CDH13: variants seen among roughly 807,000 people sequenced by gnomAD.
CDH13 encodes cadherin-13.
A neutral mutation model predicts 63.8 loss-of-function variants in CDH13; 24 were observed. The observed-to-expected ratio is 0.38, with a 90% CI of 0.27 to 0.53. The LOEUF is 0.53. CDH13 is among the 20% of genes least tolerant of loss of function. The pLI, the probability that CDH13 is intolerant of heterozygous loss-of-function variation, is 0.85. For synonymous variants in CDH13, 503 were observed against 355.3 expected (o/e 1.42, Z -4.67); for missense variants, 1,049 against 903.1 (o/e 1.16, Z -2.07).
At chr16:83,677,622 T>C (rs573453229) in intron 9 of CDH13, among the ~76,000 whole-genome samples, 8 of 152,184 alleles carry the variant, frequency 5.3e-5, no homozygotes, top group Non-Finnish European at 1.0e-4. Flanking sequence ...TGAAGGGACA[T>C]AGAGACCCTT....
At chr16:83,324,662 G>T (rs1250212927) in intron 5 of CDH13, among the ~76,000 whole-genome samples, 1 of 152,140 alleles carries the variant, frequency 6.6e-6, no homozygotes, top group African/African-American at 2.4e-5. Context: ...TGGACAGTTG[G>T]GTTGTTTCTA....
At chr16:82,972,483 C>T (rs1169978564) in intron 2 of CDH13, among the ~76,000 whole-genome samples, 2 of 152,170 alleles carry the variant, frequency 1.3e-5, no homozygotes, top group Non-Finnish European at 2.9e-5. Context: ...GCTGAGTCTC[C>T]AGAGCAAGTT....
At chr16:83,366,336 T>C (rs1238703380) in intron 6 of CDH13, among the ~76,000 whole-genome samples, 1 of 152,220 alleles carries the variant, frequency 6.6e-6, no homozygotes, top group African/African-American at 2.4e-5. Context: ...CTCCCAGAAT[T>C]ATGAATACTT....
chr16:83,084,232 G>T (rs1420879017), intron 3 of CDH13, among the ~76,000 whole-genome samples: 1 of 152,252 alleles, frequency 6.6e-6, no homozygotes, highest in African/African-American at 2.4e-5. Context: ...AGGAAAAAGT[G>T]TGTGACTGTG....
chr16:83,624,123 C>T (rs1213887227), intron 8 of CDH13, among the ~76,000 whole-genome samples: 1 of 152,134 alleles, frequency 6.6e-6, no homozygotes, highest in Non-Finnish European at 1.5e-5. Context: ...TCAGCTCTGC[C>T]TGTCTCTCTA....
intron 5 of CDH13, among the ~76,000 whole-genome samples, chr16:83,293,788 C>G (rs2089520640): frequency 6.6e-6 from 1 of 152,180 alleles, no homozygotes; most frequent in Non-Finnish European, 1.5e-5. Context: ...GTCATCTTAA[C>G]AAAGTGTTTC....
At chr16:82,977,230 TG>T (rs1274943036) in intron 2 of CDH13, among the ~76,000 whole-genome samples, 10 of 152,194 alleles carry the variant, frequency 6.6e-5, no homozygotes, top group Admixed American at 2.0e-4. Flanking sequence ...GTGTCCTTTG[TG>T]GGCTGCAGAG....
chr16:82,956,516 A>ATTATT (rs1259751023), intron 2 of CDH13, among the ~76,000 whole-genome samples: 1 of 152,144 alleles, frequency 6.6e-6, no homozygotes, highest in Non-Finnish European at 1.5e-5. Flanking sequence ...CAGCTGAAGG[A>ATTATT]TTATTTTCAA....
chr16:82,828,850 A>G (rs924508503), intron 1 of CDH13, among the ~76,000 whole-genome samples: 1 of 152,166 alleles, frequency 6.6e-6, no homozygotes, highest in Admixed American at 6.5e-5. Flanking sequence ...ATTATATGCG[A>G]ATACTATGCC....
At chr16:83,750,443 T>C (rs1258421644) in intron 11 of CDH13, among the ~76,000 whole-genome samples, 2 of 152,222 alleles carry the variant, frequency 1.3e-5, no homozygotes, top group Non-Finnish European at 2.9e-5. Flanking sequence ...TAACAATTGA[T>C]ATGACTGAAC....
At chr16:83,646,080 A>T (rs1186599352) in intron 8 of CDH13, among the ~76,000 whole-genome samples, 3 of 152,022 alleles carry the variant, frequency 2.0e-5, no homozygotes, top group Admixed American at 6.5e-5. Flanking sequence ...TAGAGTACTG[A>T]TGCTCTCCCA....
chr16:83,683,531 C>G (rs558750827), intron 10 of CDH13, among the ~76,000 whole-genome samples: 1 of 152,196 alleles, frequency 6.6e-6, no homozygotes, highest in Admixed American at 6.5e-5. Context: ...GAACAGCTTT[C>G]TGTCCCAAGA....
intron 6 of CDH13, among the ~76,000 whole-genome samples, chr16:83,377,804 G>A (rs866762037): frequency 1.3e-5 from 2 of 152,106 alleles, no homozygotes; most frequent in Admixed American, 6.5e-5. Context: ...AGTGAGATTG[G>A]TCTTTGTTCT....
intron 5 of CDH13, among the ~76,000 whole-genome samples, chr16:83,268,063 C>T (rs2088679286): frequency 6.6e-6 from 1 of 152,176 alleles, no homozygotes; most frequent in Admixed American, 6.5e-5. Context: ...CACTGACACA[C>T]ACAGGTGTAT....
Position 83,506,858 on chromosome 16 carries a change from G to C in CDH13, c.960+20203G>C, listed in dbSNP as rs559319575. 1.3e-3 allele frequency among the ~76,000 whole-genome samples: 191 copies of C among 152,322 alleles called. 2 individuals are homozygous for C. Among genetic ancestry groups the C allele is most frequent in the African/African-American group, 4.5e-3 (187 of 41,578 alleles). On this transcript the variant is annotated intron_variant, in intron 7 of 13. Coordinates refer to ENST00000567109, the MANE Select transcript of CDH13 (RefSeq NM_001257.5). Reference sequence around the variant, plus strand: ...ATCAATTCTTTAGCCGTATGTGTGAGCCACCTTGGAAGTAGACCTTCTAGC... The same window carrying C: ...ATCAATTCTTTAGCCGTATGTGTGACCCACCTTGGAAGTAGACCTTCTAGC...
chr16:83,579,896 C>T (rs1342635900), intron 7 of CDH13, among the ~76,000 whole-genome samples: 1 of 152,050 alleles, frequency 6.6e-6, no homozygotes, highest in Non-Finnish European at 1.5e-5. Flanking sequence ...AGGGGAGTAA[C>T]ATTTGAGCTG....
intron 8 of CDH13, among the ~76,000 whole-genome samples, chr16:83,669,305 T>C (rs918274292): frequency 2.0e-5 from 3 of 152,158 alleles, no homozygotes; most frequent in African/African-American, 4.8e-5. Context: ...GAATCCTGAA[T>C]TGGAATAGGA....
intron 1 of CDH13, among the ~76,000 whole-genome samples, chr16:82,810,309 A>G (rs949799530): frequency 2.6e-5 from 4 of 152,170 alleles, no homozygotes; most frequent in African/African-American, 7.2e-5. Flanking sequence ...TCTCTTTGCT[A>G]AAGTTAGGGA....
intron 8 of CDH13, among the ~76,000 whole-genome samples, chr16:83,643,971 C>A (rs760824012): frequency 9.2e-5 from 14 of 152,182 alleles, no homozygotes; most frequent in African/African-American, 3.1e-4. Flanking sequence ...TTTGAGGAAC[C>A]TGCATGTGGT....
Sources: allele counts gnomAD v4.1 joint callset (sites outside exome capture counted in the v4.1 genomes callset), GRCh38; gene constraint gnomAD v4.1.1; transcripts MANE v1.5; gene names NCBI Gene and HGNC (gene_info 2026-07-23, HGNC 2026-07-21).